Variants in THSD4 observed in about 807,000 individuals in gnomAD.
THSD4 encodes the protein thrombospondin type-1 domain-containing protein 4.
In THSD4, 69 loss-of-function variants were observed where a neutral mutation model predicts 119.0. The ratio of observed to expected loss-of-function variants is 0.58; its 90% CI spans 0.48 to 0.71. The LOEUF (loss-of-function observed/expected upper bound fraction) is 0.71. Among genes scored for constraint, THSD4 ranks in the 30% least tolerant of loss-of-function variants. The pLI is 0.00. For synonymous variants in THSD4, 524 were observed against 540.4 expected, an observed-to-expected ratio of 0.97 and a Z score of 0.42; for missense variants, 1,393 against 1,391.1, an observed-to-expected ratio of 1.00 and a Z score of -0.02.
intron 6 of THSD4, among the ~76,000 whole-genome samples, chr15:71,405,769 T>C (rs1463641478): frequency 2.0e-5 from 3 of 152,216 alleles, no homozygotes; most frequent in East Asian, 1.9e-4. Context: ...AATCTTCAGA[T>C]CCAAGAAAAT....
At chr15:71,383,841 A>C (rs2046258618) in intron 6 of THSD4, among the ~76,000 whole-genome samples, 1 of 152,240 alleles carries the variant, frequency 6.6e-6, no homozygotes, top group Non-Finnish European at 1.5e-5. Flanking sequence ...AGTAATGTAG[A>C]AATGATTTCA....
intron 7 of THSD4, among the ~76,000 whole-genome samples, chr15:71,623,697 G>A (rs958909045): frequency 1.3e-5 from 2 of 151,934 alleles, no homozygotes; most frequent in African/African-American, 2.4e-5. Flanking sequence ...CGAGGTGGGC[G>A]GGATCACCTG....
intron 6 of THSD4, among the ~76,000 whole-genome samples, chr15:71,293,351 G>A (rs555113737): frequency 1.6e-4 from 24 of 152,246 alleles, no homozygotes; most frequent in African/African-American, 5.8e-4. Context: ...GGAGGTGGAC[G>A]TGTGGTTGGT....
At chr15:71,322,442 T>C (rs771617138) in intron 6 of THSD4, among the ~76,000 whole-genome samples, 1 of 152,250 alleles carries the variant, frequency 6.6e-6, no homozygotes, top group Non-Finnish European at 1.5e-5. Flanking sequence ...AAATTTTGTC[T>C]ATTTGGCCTG....
intron 7 of THSD4, among the ~76,000 whole-genome samples, chr15:71,469,952 A>C (rs1477398519): frequency 6.6e-6 from 1 of 152,240 alleles, no homozygotes; most frequent in Non-Finnish European, 1.5e-5. Flanking sequence ...GTGTCAAATG[A>C]GCACAGAGGA....
At chr15:71,119,065 G>A (rs953858693) in intron 1 of THSD4, among the ~76,000 whole-genome samples, 1 of 152,170 alleles carries the variant, frequency 6.6e-6, no homozygotes, top group Non-Finnish European at 1.5e-5. Context: ...AATGCTTGGG[G>A]CTTTCAGTGG....
intron 6 of THSD4, among the ~76,000 whole-genome samples, chr15:71,361,835 G>A (rs2045895361): frequency 6.6e-6 from 1 of 152,208 alleles, no homozygotes; most frequent in African/African-American, 2.4e-5. Context: ...CTTTGTGTAT[G>A]TGCTGATCTG....
At chr15:71,134,770 C>G (rs555624608) in intron 1 of THSD4, among the ~76,000 whole-genome samples, 1 of 152,198 alleles carries the variant, frequency 6.6e-6, no homozygotes, top group African/African-American at 2.4e-5. Context: ...TTCTCCACAT[C>G]CTCTCCAGCA....
intron 1 of THSD4, among the ~76,000 whole-genome samples, chr15:71,101,879 A>G (rs1319512984): frequency 6.6e-6 from 1 of 151,900 alleles, no homozygotes; most frequent in East Asian, 1.9e-4. Context: ...ACGACTGGCT[A>G]ATTTTTTGTA....
At chr15:71,465,946 T>C (rs1848500588) in intron 7 of THSD4, among the ~76,000 whole-genome samples, 1 of 152,170 alleles carries the variant, frequency 6.6e-6, no homozygotes, top group South Asian at 2.1e-4. Context: ...AAGGATGAAA[T>C]TGATGTGGAG....
At chr15:71,488,921 A>G (rs2140690206) in intron 7 of THSD4, among the ~76,000 whole-genome samples, 1 of 152,144 alleles carries the variant, frequency 6.6e-6, no homozygotes, top group African/African-American at 2.4e-5. Context: ...TTAATTCCTT[A>G]TGCTTCTCTT....
chr15:71,781,286 AC>A lies in THSD4; in HGVS notation c.*3913del, dbSNP rs1171311350. On this transcript the variant is annotated 3_prime_UTR_variant, in exon 18 of 18. Transcript: ENST00000261862. ...AATTCACCAGGAATCCACATAAAGT[AC>A]TATATTTGGGCTAAAATGAAAAACT... 1.3e-5 allele frequency: 2 copies of A among 155,430 alleles called. No individual in the cohort carries two copies. The highest frequency in any genetic ancestry group is 2.4e-5 in the African/African-American group (1 of 41,510). 9.6% of individuals were successfully genotyped at this position (155,430 alleles called of 1,614,324 possible).
At chr15:71,142,728 T>A (rs2040617097) in intron 2 of THSD4, among the ~76,000 whole-genome samples, 1 of 152,214 alleles carries the variant, frequency 6.6e-6, no homozygotes, top group Non-Finnish European at 1.5e-5. Context: ...CATCTTACTA[T>A]TTTAGGATAC....
intron 6 of THSD4, among the ~76,000 whole-genome samples, chr15:71,310,405 T>A (rs4776547): frequency 0.94 from 142,409 of 152,264 alleles, 67,336 homozygotes; most frequent in East Asian, 1. Flanking sequence ...TGTACATAGG[T>A]CCCTTCAGAA....
intron 7 of THSD4, among the ~76,000 whole-genome samples, chr15:71,572,105 A>T (rs1206167860): frequency 6.6e-6 from 1 of 151,938 alleles, no homozygotes; most frequent in Non-Finnish European, 1.5e-5. Context: ...AAAAAATTTT[A>T]AAAAGCTATT....
At chr15:71,437,528 C>A (rs2047028467) in intron 7 of THSD4, among the ~76,000 whole-genome samples, 1 of 152,156 alleles carries the variant, frequency 6.6e-6, no homozygotes, top group South Asian at 2.1e-4. Context: ...CTCCAGAGAA[C>A]AGCTTTGGGA....
At chr15:71,277,694 G>T (rs1226572179) in intron 6 of THSD4, among the ~76,000 whole-genome samples, 1 of 152,198 alleles carries the variant, frequency 6.6e-6, no homozygotes, top group Non-Finnish European at 1.5e-5. Context: ...AGCCATTTCT[G>T]TTTAACGTGG....
intron 7 of THSD4, among the ~76,000 whole-genome samples, chr15:71,599,229 G>T (rs531877991): frequency 2.0e-5 from 3 of 152,252 alleles, no homozygotes; most frequent in Admixed American, 6.5e-5. Context: ...CTCTAGCATG[G>T]TGTAATGCTG....
intron 8 of THSD4, among the ~76,000 whole-genome samples, chr15:71,724,564 C>T (rs1433720262): frequency 6.2e-5 from 7 of 113,220 alleles, no homozygotes; most frequent in East Asian, 3.0e-4. Context: ...GGATTACAGG[C>T]GTGAGGCACT....
Sources: gnomAD v4.1 joint callset for allele counts (sites outside exome capture counted in the v4.1 genomes callset) on GRCh38, gnomAD v4.1.1 for gene constraint, MANE v1.5 for transcripts, NCBI Gene and HGNC (gene_info 2026-07-23, HGNC 2026-07-21) for gene names.